Variants in BBS2 observed in about 807,000 individuals in gnomAD.
BBS2 encodes the protein Bardet-Biedl syndrome 2, also known as BBSome complex member BBS2.
BBS2 carries 62 observed loss-of-function variants against 83.0 expected under a neutral mutation model. The observed-to-expected ratio is 0.75, with a 90% confidence interval of 0.61 to 0.92. The LOEUF is 0.92. Ranked by LOEUF, BBS2 falls within the 40% of genes least tolerant of loss-of-function variation. The probability of loss-of-function intolerance (pLI) is 0.00; values close to 1 mark genes in which losing one functional copy is unlikely to be tolerated. For missense variants in BBS2, 784 were observed against 901.0 expected (o/e 0.87, Z 1.66); for synonymous variants, 303 against 326.1 (o/e 0.93, Z 0.76).
chr16:56,487,452 T>C (rs575679715), intron 15 of BBS2, among the ~76,000 whole-genome samples: 1 of 152,148 alleles, frequency 6.6e-6, no homozygotes, highest in South Asian at 2.1e-4. Flanking sequence ...ACCATAATTA[T>C]AGAATAAGAT....
At position 56,514,697 on chromosome 16, in the gene BBS2, T is replaced by C. The variant is rs189431371; in HGVS notation, c.118-17A>G. 2 of 1,561,260 alleles carry C rather than the reference T, an allele frequency of 1.3e-6. No homozygotes were observed. Among genetic ancestry groups the C allele is most frequent in the African/African-American group, 1.4e-5 (1 of 73,914 alleles). On this transcript the variant is annotated splice_polypyrimidine_tract_variant and intron_variant, in intron 1 of 16. Transcript: ENST00000245157. ...AATAAAAACCTGAAACAAAAATAAC[T>C]AATTACATTCCCTTAAAATATAAAA...
At chr16:56,486,231 C>A (rs2144097297) in intron 15 of BBS2, among the ~76,000 whole-genome samples, 1 of 152,308 alleles carries the variant, frequency 6.6e-6, no homozygotes, top group South Asian at 2.1e-4. Context: ...AGATGTGGGA[C>A]AACTGGAACT....
downstream of BBS2, among the ~76,000 whole-genome samples, chr16:56,481,749 T>G (rs1963666769): frequency 6.6e-6 from 1 of 152,252 alleles, no homozygotes; most frequent in Admixed American, 6.5e-5. Flanking sequence ...ACTCCTAAGC[T>G]GAACAGGATG....
At chr16:56,504,531 C>T (rs554027516) in intron 7 of BBS2, among the ~76,000 whole-genome samples, 1 of 152,308 alleles carries the variant, frequency 6.6e-6, no homozygotes, top group African/African-American at 2.4e-5. Context: ...CCTGTATTCA[C>T]AAGTTGGATC....
rs763220743 is a variant in BBS2 at position 56,496,538 on chromosome 16, T to C, written c.1910+429A>G. The stretch of plus-strand genomic sequence containing the variant: ...GTCTTTTAAGTCTGTCTTCTTTCAG[T>C]GTCCATTATGCTTATCAGATTTTTC... On this transcript the variant is annotated intron_variant, in intron 15 of 16. Coordinates refer to ENST00000245157, the MANE Select transcript of BBS2 (RefSeq NM_031885.5). 1.1e-4 allele frequency among the ~76,000 whole-genome samples: 16 copies of C among 152,356 alleles called. No homozygotes were observed. The South Asian group carries it at 2.9e-3, about 28-fold the overall frequency.
chr16:56,490,296 C>G (rs1240689452), intron 15 of BBS2, among the ~76,000 whole-genome samples: 1 of 151,970 alleles, frequency 6.6e-6, no homozygotes, highest in Non-Finnish European at 1.5e-5. Flanking sequence ...TAAAGGAAAA[C>G]AGATGAATTA....
Position 56,484,786 on chromosome 16 carries a change from A to G in BBS2, c.2141T>C (p.Met714Thr). Residue 714 changes from methionine (M) to threonine (T), a missense_variant, in exon 17 of 17, where the codon ATG becomes ACG. Met to Thr is a moderately conservative substitution (Grantham distance 81). Coordinates refer to ENST00000245157, the MANE Select transcript of BBS2 (RefSeq NM_031885.5). The part of the protein sequence containing the change: ...SNNINTLFKI[M>T]RVGTASS ...CTAGGAAGAAGCTGTCCCCACTCGC[A>G]TGATTTTGAACAGTGTGTTGATGTT... 6.2e-7 allele frequency: 1 copy of G among 1,613,994 alleles called. No individual in the cohort carries two copies. Among genetic ancestry groups the G allele is most frequent in the Non-Finnish European group, 8.5e-7 (1 of 1,179,884 alleles).
intron 2 of BBS2, 95 bp downstream of exon 2, chr16:56,514,354 CAACA>C: frequency 8.4e-7 from 1 of 1,184,200 alleles, no homozygotes; most frequent in Non-Finnish European, 1.2e-6. Context: ...AACAGTCATA[CAACA>C]AACAGACCAA....
intron 5 of BBS2, 45 bp from the exon 6 acceptor site, chr16:56,506,269 C>T: frequency 6.9e-7 from 1 of 1,439,210 alleles, no homozygotes; most frequent in Non-Finnish European, 9.8e-7. Context: ...CATTAAGACT[C>T]AGTTTACTGT....
chr16:56,509,601 AAT>A (rs1410472261), intron 5 of BBS2: 8 of 238,220 alleles, frequency 3.4e-5, no homozygotes, highest in Non-Finnish European at 6.7e-5. Flanking sequence ...GTAAGGATTC[AAT>A]ATGTTACTTC....
downstream of BBS2, among the ~76,000 whole-genome samples, chr16:56,481,519 GA>G (rs1963661542): frequency 2.6e-5 from 4 of 152,260 alleles, no homozygotes; most frequent in South Asian, 8.3e-4. Context: ...CTCAGAACCT[GA>G]ATTATGGTAC....
In BBS2 at chr16:56,502,698, T is replaced by C. The variant is rs769067720; in HGVS notation, c.915A>G (p.Leu305=). The C allele has an allele frequency of 6.2e-7, 1 of 1,614,182 alleles. No homozygotes were observed. The highest frequency in any genetic ancestry group is 8.5e-7 in the Non-Finnish European group (1 of 1,180,036). ...TTTCCCCATCCACTGAGCAGCAGAT[T>C]AACTGTATGTGGCCATCCATCCGGT... is the stretch of plus-strand genomic sequence containing the variant. ...GDYRMDGHIQ[L]ICCSVDGEIR... Residue 305 remains leucine, a synonymous_variant, in exon 8 of 17, where the codon TTA becomes TTG. Coordinates refer to ENST00000245157, the MANE Select transcript of BBS2 (RefSeq NM_031885.5).
At chr16:56,493,870 G>A (rs1398746626) in intron 15 of BBS2, among the ~76,000 whole-genome samples, 1 of 152,134 alleles carries the variant, frequency 6.6e-6, no homozygotes, top group Non-Finnish European at 1.5e-5. Context: ...CAATCATATT[G>A]TTGATAACAA....
downstream of BBS2, among the ~76,000 whole-genome samples, chr16:56,481,029 G>C (rs1210543998): frequency 6.6e-6 from 1 of 152,132 alleles, no homozygotes; most frequent in Non-Finnish European, 1.5e-5. Context: ...GCTGTAATGG[G>C]TGTCTTACTG....
chr16:56,491,053 G>A lies in BBS2; in HGVS notation c.1911-5315C>T, dbSNP rs137891415. Among the ~76,000 whole-genome samples the A allele has an allele frequency of 9.9e-4, 150 of 152,210 alleles. 1 individual carries two copies. Among genetic ancestry groups the A allele is most frequent in the African/African-American group, 3.2e-3 (134 of 41,532 alleles). On this transcript the variant is annotated intron_variant, in intron 15 of 16. Coordinates refer to ENST00000245157, the MANE Select transcript of BBS2 (RefSeq NM_031885.5). ...TGGGATTACAGGCGTGAGCCACCGC[G>A]CCTGGCCCATTAAAGCAAAATTTTT... is the stretch of plus-strand genomic sequence containing the variant.
intron 1 of BBS2, among the ~76,000 whole-genome samples, chr16:56,518,044 T>C (rs1964801371): frequency 6.6e-6 from 1 of 152,154 alleles, no homozygotes; most frequent in Non-Finnish European, 1.5e-5. Flanking sequence ...CTTGAACTCC[T>C]GACCTCAGAT....
intron 1 of BBS2, among the ~76,000 whole-genome samples, chr16:56,519,330 CA>C (rs35141671): frequency 0.041 from 2,298 of 55,728 alleles, 41 homozygotes; most frequent in African/African-American, 0.11. Context: ...GACTCCGTCT[CA>C]AAAAAAAAAA....
chr16:56,496,966 C>A lies in BBS2; in HGVS notation c.1910+1G>T. On this transcript the variant is annotated splice_donor_variant, in intron 15 of 16. Coordinates refer to ENST00000245157, the MANE Select transcript of BBS2 (RefSeq NM_031885.5). LOFTEE classifies it high-confidence loss of function. Reference sequence around the variant, plus strand: ...CTGTACTAACCATGACAAATACTCACATGTCCCTCATCAGACGAGCATCCT... The same window carrying A: ...CTGTACTAACCATGACAAATACTCAAATGTCCCTCATCAGACGAGCATCCT... The A allele has an allele frequency of 6.2e-7, 1 of 1,608,836 alleles. No individual in the cohort carries two copies. Among genetic ancestry groups the A allele is most frequent in the Non-Finnish European group, 8.5e-7 (1 of 1,175,134 alleles).
intron 17 of BBS2, among the ~76,000 whole-genome samples, chr16:56,474,486 A>G (rs1254443325): frequency 2.0e-5 from 3 of 151,730 alleles, no homozygotes; most frequent in African/African-American, 7.3e-5. Context: ...ACGCCTGGCT[A>G]ATTTTGTATT....
Sources: gnomAD v4.1 joint callset for allele counts (sites outside exome capture counted in the v4.1 genomes callset) on GRCh38, gnomAD v4.1.1 for gene constraint, MANE v1.5 for transcripts, NCBI Gene and HGNC (gene_info 2026-07-23, HGNC 2026-07-21) for gene names.